CHADL: variants seen among roughly 807,000 people sequenced by gnomAD.
The protein encoded by CHADL is chondroadherin like, also known as chondroadherin-like protein.
Under a neutral mutation model 52.1 loss-of-function variants are expected in CHADL, and 48 were observed. The ratio of observed to expected loss-of-function variants is 0.92; its 90% CI spans 0.73 to 1.17. CHADL has a LOEUF of 1.17. CHADL is among the 50% of genes most tolerant of loss of function. The pLI, the probability that CHADL is intolerant of heterozygous loss-of-function variation, is 0.00. For missense variants in CHADL, 977 were observed against 1,035.1 expected (o/e 0.94, Z 0.77); for synonymous variants, 498 against 511.2 (o/e 0.97, Z 0.35).
At chr22:41,229,870 CCCT>C (rs989351912) in intron 5 of CHADL, 140 bp from the exon 6 acceptor site, 53 of 800,298 alleles carry the variant, frequency 6.6e-5, no homozygotes, top group African/African-American at 1.5e-4. Context: ...CGGCCCCGGC[CCCT>C]CCTCCTCCTC....
At chr22:41,229,863 C>T (rs1847767881) in intron 5 of CHADL, 133 bp from the exon 6 acceptor site, 2 of 849,490 alleles carry the variant, frequency 2.4e-6, no homozygotes, top group South Asian at 3.0e-5. Flanking sequence ...TCTAGCCCGG[C>T]CCCGGCCCCT....
At chr22:41,232,924 T>C (rs1029786032) in intron 5 of CHADL, among the ~76,000 whole-genome samples, 3 of 152,124 alleles carry the variant, frequency 2.0e-5, no homozygotes, top group African/African-American at 7.2e-5. Flanking sequence ...GTTCCGGGTC[T>C]GGCTTCCAAG....
intron 5 of CHADL, among the ~76,000 whole-genome samples, chr22:41,233,187 C>G (rs760205178): frequency 6.6e-5 from 10 of 152,068 alleles, no homozygotes; most frequent in Admixed American, 1.3e-4. Context: ...TTTGGCTGGG[C>G]GCAGTGGCTC....
At chr22:41,235,695 C>T (rs930179202) in intron 4 of CHADL, among the ~76,000 whole-genome samples, 4 of 152,182 alleles carry the variant, frequency 2.6e-5, no homozygotes, top group Admixed American at 6.5e-5. Context: ...GTAGCAGACA[C>T]TGTTCAAATC....
At chr22:41,231,986 G>A (rs1254092848) in intron 5 of CHADL, among the ~76,000 whole-genome samples, 1 of 152,194 alleles carries the variant, frequency 6.6e-6, no homozygotes, top group Non-Finnish European at 1.5e-5. Context: ...ACCCTGTGCA[G>A]TACTGATGGG....
In CHADL at chr22:41,237,517, C is replaced by T; in HGVS notation, c.1555G>A (p.Ala519Thr). ...TGCAGGGAGAAGAGGCTGGGCAGGG[C>T]GCGCAGGGCAGCCCCTGGCACCTGC... Reference protein sequence around the residue: ...FLQVPGAALRALPSLFSLHLQ... With the variant: ...FLQVPGAALRTLPSLFSLHLQ... The change falls in exon 3 of 6, where the codon GCC becomes ACC. Residue 519 changes from alanine (A) to threonine (T), a missense_variant. Coordinates refer to ENST00000216241, the MANE Select transcript of CHADL (RefSeq NM_138481.2). 1.3e-6 allele frequency: 2 copies of T among 1,550,476 alleles called. No homozygotes were observed. The highest frequency in any genetic ancestry group is 1.2e-5 in the South Asian group (1 of 84,054).
intron 4 of CHADL, 93 bp from the exon 5 acceptor site, chr22:41,235,436 C>T (rs2032724020): frequency 3.1e-6 from 3 of 965,694 alleles, no homozygotes; most frequent in Non-Finnish European, 3.1e-6. Context: ...AGGGTTGGTG[C>T]AGAAGGCAGC....
chr22:41,239,339 C>G (rs909092334), intron 2 of CHADL, 104 bp downstream of exon 2: 1 of 1,046,810 alleles, frequency 9.6e-7, no homozygotes, highest in Non-Finnish European at 1.4e-6. Flanking sequence ...CAAGGTCTCC[C>G]GGGCAGGCGG....
intron 5 of CHADL, chr22:41,230,350 C>A: frequency 2.3e-6 from 2 of 873,606 alleles, no homozygotes; most frequent in Non-Finnish European, 3.7e-6. Flanking sequence ...GGAGACTGAT[C>A]CTCTCTGTGT....
chr22:41,233,402 C>CAGTG (rs2032671142), intron 5 of CHADL, among the ~76,000 whole-genome samples: 1 of 151,974 alleles, frequency 6.6e-6, no homozygotes, highest in Admixed American at 6.6e-5. Context: ...GCAGAGGGTG[C>CAGTG]AGTGAGCCAA....
chr22:41,230,372 G>A lies in CHADL; in HGVS notation c.2263-642C>T, dbSNP rs558968327. On this transcript the variant is annotated intron_variant, in intron 5 of 5. Transcript: ENST00000216241. ...GATCCTCTCTGTGTAAATTCTGCCC[G>A]GTGCTGTGAAGGCTGGACGGTGGAG... is the stretch of plus-strand genomic sequence containing the variant. 7.0e-5 allele frequency: 53 copies of A among 752,480 alleles called. No homozygotes were observed. The African/African-American group carries it at 7.6e-4, about 11-fold the overall frequency. 46.6% of individuals were successfully genotyped at this position (752,480 alleles called of 1,614,324 possible).
chr22:41,240,281 G>A (rs1295686021), intron 1 of CHADL, among the ~76,000 whole-genome samples: 3 of 152,162 alleles, frequency 2.0e-5, no homozygotes, highest in Non-Finnish European at 4.4e-5. Context: ...GGTAGAGACA[G>A]GGTCTCGCTA....
At position 41,240,910 on chromosome 22, in the gene CHADL, A is replaced by T; in HGVS notation, c.-29T>A. The stretch of plus-strand genomic sequence containing the variant: ...GCCTGGAACTGCTGGTCCAGCCTGG[A>T]GGCGCAGCGCAGGGACAGGCTGTCC... On this transcript the variant is annotated 5_prime_UTR_variant, in exon 1 of 6. Transcript: ENST00000216241. 1 of 1,547,754 alleles carries T rather than the reference A, an allele frequency of 6.5e-7. No individual in the cohort carries two copies. The highest frequency in any genetic ancestry group is 8.7e-7 in the Non-Finnish European group (1 of 1,146,352).
At chr22:41,237,029 A>T in intron 3 of CHADL, 147 bp downstream of exon 3, 1 of 814,252 alleles carries the variant, frequency 1.2e-6, no homozygotes, top group Non-Finnish European at 1.9e-6. Context: ...TCACACCGGT[A>T]GGGGCAGTCC....
In CHADL at chr22:41,237,164, C is replaced by T; in HGVS notation, c.1896+12G>A. The T allele has an allele frequency of 6.5e-7, 1 of 1,527,852 alleles. No individual in the cohort carries two copies. Among genetic ancestry groups the T allele is most frequent in the Non-Finnish European group, 8.8e-7 (1 of 1,132,546 alleles). The allele number at this position is 1,527,852 out of a possible 1,614,324, so 94.6% of individuals were successfully genotyped here. A position where few individuals can be genotyped will look rare whatever the true frequency, so the allele number is the denominator to read the frequency against. On this transcript the variant is annotated intron_variant, in intron 3 of 5. Coordinates refer to ENST00000216241, the MANE Select transcript of CHADL (RefSeq NM_138481.2). The stretch of plus-strand genomic sequence containing the variant: ...CCTCCTGCACCAACCCCGCCAGATG[C>T]CCAGTGCCCACCTGCTCCAGGCCAC...
At chr22:41,234,879 T>C (rs978588648) in intron 5 of CHADL, among the ~76,000 whole-genome samples, 7 of 151,306 alleles carry the variant, frequency 4.6e-5, no homozygotes, top group Non-Finnish European at 8.8e-5. Flanking sequence ...TTAGTAGAGA[T>C]GGGGTTTCAC....
In CHADL at chr22:41,238,481, C is replaced by T; in HGVS notation, c.591G>A (p.Leu197=). Residue 197 remains leucine (L), a synonymous_variant, in exon 3 of 6, where the codon CTG becomes CTA. Transcript: ENST00000216241. This position sits in a 1 kb window ranked among gnomAD's most constrained non-coding sequence, Gnocchi z 4.9. ...LRLSHNALSV[L]APEALAGLPA... ...GCAGGCCAGCCAGGGCCTCGGGGGC[C>T]AGCACGCTGAGCGCGTTGTGCGACA... 1 of 1,535,216 alleles carries T rather than the reference C, an allele frequency of 6.5e-7. No individual in the cohort carries two copies. The highest frequency in any genetic ancestry group is 1.2e-5 in the South Asian group (1 of 83,080).
At position 41,236,660 on chromosome 22, in the gene CHADL, G is replaced by C. The variant is rs923276463; in HGVS notation, c.1897-10C>G. ...AGGCCCCAGGACAAATCTGCAAGGA[G>C]TTGCCAGGCCCCAATGTGAGCTCCT... On this transcript the variant is annotated splice_polypyrimidine_tract_variant and intron_variant, in intron 3 of 5. Transcript: ENST00000216241. 3 of 1,545,074 alleles carry C rather than the reference G, an allele frequency of 1.9e-6. No homozygotes were observed. The highest frequency in any genetic ancestry group is 2.7e-5 in the African/African-American group (2 of 72,920).
At position 41,229,650 on chromosome 22, in the gene CHADL, G is replaced by A. The variant is rs767931586; in HGVS notation, c.*54C>T. On this transcript the variant is annotated 3_prime_UTR_variant, in exon 6 of 6. Transcript: ENST00000216241. ...GAAGATCTCGTCGGAGCCTGTTCCT[G>A]GCGAGAGTAAGAGCCACCGGGCTGG... 1.2e-6 allele frequency: 2 copies of A among 1,613,528 alleles called. No individual in the cohort carries two copies. Among genetic ancestry groups the A allele is most frequent in the South Asian group, 1.1e-5 (1 of 91,046 alleles).
Sources: allele counts gnomAD v4.1 joint callset (sites outside exome capture counted in the v4.1 genomes callset), GRCh38; gene constraint gnomAD v4.1.1; non-coding constraint Gnocchi (gnomAD v3.1); transcripts MANE v1.5; gene names NCBI Gene and HGNC (gene_info 2026-07-23, HGNC 2026-07-21).